The following STX8 variants were observed in gnomAD, a reference collection of about 807,000 sequenced individuals.
The protein encoded by STX8 is syntaxin 8.
A neutral mutation model predicts 37.5 loss-of-function variants in STX8; 23 were observed. The observed-to-expected ratio is 0.61, with a 90% CI of 0.44 to 0.87. The LOEUF (loss-of-function observed/expected upper bound fraction) is 0.87, where lower values mean the gene tolerates loss of function less well. STX8 is among the 40% of genes least tolerant of loss of function. The probability of loss-of-function intolerance (pLI) is 0.00; values close to 1 mark genes in which losing one functional copy is unlikely to be tolerated. For missense variants in STX8, 313 were observed against 284.7 expected (o/e 1.10, Z -0.71); for synonymous variants, 115 against 99.1 (o/e 1.16, Z -0.95).
chr17:9,369,915 G>GA (rs1368125975), intron 7 of STX8, among the ~76,000 whole-genome samples: 1 of 124,714 alleles, frequency 8.0e-6, no homozygotes, highest in African/African-American at 3.0e-5. Flanking sequence ...AAAAAAGAAA[G>GA]AAAAAAGAAA....
chr17:9,547,673 T>C lies in STX8; in HGVS notation c.213-2391A>G, dbSNP rs540916116. Among the ~76,000 whole-genome samples, 8 of 143,266 alleles carry C rather than the reference T, an allele frequency of 5.6e-5. No homozygotes were observed. In the East Asian group the frequency reaches 1.2e-3, roughly 22 times the overall value. The allele number at this position is 143,266 out of a possible 152,430, so 94.0% of individuals were successfully genotyped here. ...AAAAGAAAAGAAAAGAAATACACAC[T>C]AAAACAAGATACCACTTCCACCTAT... On this transcript the variant is annotated intron_variant, in intron 3 of 7. Coordinates refer to ENST00000306357, the MANE Select transcript of STX8 (RefSeq NM_004853.3).
At chr17:9,273,243 T>C (rs1282898729) in intron 7 of STX8, 1 of 152,220 alleles carries the variant, frequency 6.6e-6, no homozygotes, top group South Asian at 2.1e-4. Context: ...GTCATGAGGA[T>C]AAATGAGATA....
At chr17:9,543,139 G>A (rs575156820) in intron 4 of STX8, among the ~76,000 whole-genome samples, 2 of 152,210 alleles carry the variant, frequency 1.3e-5, no homozygotes, top group East Asian at 1.9e-4. Flanking sequence ...CTACCAAGCA[G>A]AATAGTCTGA....
intron 7 of STX8, chr17:9,283,175 G>C (rs758818905): frequency 6.6e-6 from 1 of 152,144 alleles, no homozygotes; most frequent in Non-Finnish European, 1.5e-5. Flanking sequence ...AAAAGCTGTG[G>C]ACAATTAGAA....
At chr17:9,496,357 T>C (rs9892920) in intron 5 of STX8, among the ~76,000 whole-genome samples, 4,875 of 152,244 alleles carry the variant, frequency 0.032, 299 homozygotes, top group African/African-American at 0.11. Context: ...ATTACAGGCG[T>C]GAGCCACCAC....
intron 2 of STX8, among the ~76,000 whole-genome samples, chr17:9,565,939 A>G (rs891246102): frequency 2.0e-5 from 3 of 152,220 alleles, no homozygotes; most frequent in African/African-American, 7.2e-5. Flanking sequence ...CAATTGCAAC[A>G]AAAGCAAAAA....
At chr17:9,279,100 G>T (rs1907787777) in intron 7 of STX8, among the ~76,000 whole-genome samples, 2 of 147,696 alleles carry the variant, frequency 1.4e-5, no homozygotes, top group South Asian at 4.3e-4. Context: ...TTTCACTCTT[G>T]TTGCCCAGGC....
chr17:9,341,657 G>A (rs545814520), intron 7 of STX8, among the ~76,000 whole-genome samples: 1 of 152,064 alleles, frequency 6.6e-6, no homozygotes. Flanking sequence ...GGCTGGTCTC[G>A]AACTCCTGAC....
intron 7 of STX8, among the ~76,000 whole-genome samples, chr17:9,362,840 A>AAATAAATAAAT (rs1555601154): frequency 2.6e-5 from 3 of 115,444 alleles, no homozygotes; most frequent in African/African-American, 9.0e-5. Context: ...AAAAAAAAAA[A>AAATAAATAAAT]AAATAAATAA....
At chr17:9,513,427 G>C (rs574979936) in intron 4 of STX8, among the ~76,000 whole-genome samples, 3 of 151,894 alleles carry the variant, frequency 2.0e-5, no homozygotes, top group South Asian at 2.1e-4. Context: ...TATACAAATT[G>C]CTCAGCATTA....
chr17:9,463,501 C>T (rs1051890189), intron 6 of STX8, among the ~76,000 whole-genome samples: 1 of 152,082 alleles, frequency 6.6e-6, no homozygotes, highest in Non-Finnish European at 1.5e-5. Flanking sequence ...AGGCTGGGTG[C>T]GGTGGCTCAC....
At position 9,260,672 on chromosome 17, in the gene STX8, G is replaced by A. The variant is rs185679104; in HGVS notation, c.644-10027C>T. On this transcript the variant is annotated intron_variant, in intron 7 of 7. Coordinates refer to ENST00000306357, the MANE Select transcript of STX8 (RefSeq NM_004853.3). ...CAAACAAACAACTGTGGTCTTTTGG[G>A]GTGGCTCTTTAGAGTGGCCAGGCCA... Among the ~76,000 whole-genome samples the A allele has an allele frequency of 3.3e-5, 5 of 152,264 alleles. No homozygotes were observed. In the East Asian group the frequency reaches 9.7e-4, roughly 29 times the overall value.
chr17:9,416,188 A>G lies in STX8; in HGVS notation c.542-37535T>C, dbSNP rs560619312. On this transcript the variant is annotated intron_variant, in intron 6 of 7. Transcript: ENST00000306357. ...GGTTATTTTAAGTCATACCTTACCT[A>G]GGCTTCATTCTCAGAGATCCCAACT... 2.6e-5 allele frequency among the ~76,000 whole-genome samples: 4 copies of G among 152,268 alleles called. No individual in the cohort carries two copies. The South Asian group carries it at 8.3e-4, about 32-fold the overall frequency.
chr17:9,251,433 G>A (rs148564921), intron 7 of STX8, among the ~76,000 whole-genome samples: 37 of 152,296 alleles, frequency 2.4e-4, no homozygotes, highest in African/African-American at 8.9e-4. Flanking sequence ...AGGTACCAGC[G>A]GCGACAAGGT....
In STX8 at chr17:9,378,548, T is replaced by C; in HGVS notation, c.643+4A>G. ...AACAGAGCCATAACGTAGCTATCTC[T>C]TACCACAAGAGGCTGACTTTCTGTC... On this transcript the variant is annotated splice_donor_region_variant and intron_variant, in intron 7 of 7. Coordinates refer to ENST00000306357, the MANE Select transcript of STX8 (RefSeq NM_004853.3). 6.2e-7 allele frequency: 1 copy of C among 1,612,092 alleles called. No homozygotes were observed. The highest frequency in any genetic ancestry group is 8.5e-7 in the Non-Finnish European group (1 of 1,178,318).
intron 4 of STX8, among the ~76,000 whole-genome samples, chr17:9,519,697 C>A (rs1047320077): frequency 6.6e-6 from 1 of 151,856 alleles, no homozygotes; most frequent in Non-Finnish European, 1.5e-5. Flanking sequence ...TCCTCAACAT[C>A]CCCGCTTCCA....
intron 6 of STX8, among the ~76,000 whole-genome samples, chr17:9,458,937 C>A (rs995899689): frequency 2.0e-5 from 3 of 151,790 alleles, no homozygotes; most frequent in Non-Finnish European, 2.9e-5. Context: ...TCACGCCATT[C>A]TCCTGCCTCA....
At chr17:9,417,269 G>A (rs1913235225) in intron 6 of STX8, among the ~76,000 whole-genome samples, 1 of 152,160 alleles carries the variant, frequency 6.6e-6, no homozygotes, top group South Asian at 2.1e-4. Context: ...GAACACGTTA[G>A]ATGATTACAG....
intron 6 of STX8, among the ~76,000 whole-genome samples, chr17:9,488,361 T>C (rs1906696363): frequency 6.6e-6 from 1 of 151,548 alleles, no homozygotes; most frequent in South Asian, 2.1e-4. Context: ...GACAGAACAG[T>C]GGCTCCCTAA....
Sources: gnomAD v4.1 joint callset for allele counts (sites outside exome capture counted in the v4.1 genomes callset) on GRCh38, gnomAD v4.1.1 for gene constraint, MANE v1.5 for transcripts, NCBI Gene and HGNC (gene_info 2026-07-23, HGNC 2026-07-21) for gene names.